The following KRAS variants were observed in gnomAD, a reference collection of about 807,000 sequenced individuals.
KRAS encodes GTPase KRas.
In KRAS, 1 loss-of-function variant was observed where a neutral mutation model predicts 21.0. The ratio of observed to expected loss-of-function variants is 0.05; its 90% confidence interval spans 0.02 to 0.23. KRAS has a LOEUF of 0.23. Among genes scored for constraint, KRAS ranks in the 10% least tolerant of loss-of-function variants. The pLI is 1.00. For synonymous variants in KRAS, 67 were observed against 72.5 expected (o/e 0.92, Z 0.39); for missense variants, 107 against 221.8 (o/e 0.48, Z 3.29).
chr12:25,225,522 T>G (rs76433096), intron 4 of KRAS, 92 bp downstream of exon 4: 4 of 1,244,184 alleles, frequency 3.2e-6, no homozygotes, highest in East Asian at 2.3e-5. Flanking sequence ...TTTCCTAGTA[T>G]AGCATAATTG....
chr12:25,209,647 TA>T lies in KRAS; in HGVS notation c.*147del. On this transcript the variant is annotated 3_prime_UTR_variant, in exon 5 of 5. Coordinates refer to ENST00000311936, the MANE Select transcript of KRAS (RefSeq NM_004985.5). ...GAAAAAAAAACTTCCACTGTCATTT[TA>T]AAATAAGCATTTAAGGTAAAAGCTA... 1 of 1,373,008 alleles carries T rather than the reference TA, an allele frequency of 7.3e-7. No individual in the cohort carries two copies. The highest frequency in any genetic ancestry group is 9.4e-7 in the Non-Finnish European group (1 of 1,061,932). The allele number at this position is 1,373,008 out of a possible 1,614,324, so 85.1% of individuals were successfully genotyped here. A position where few individuals can be genotyped will look rare whatever the true frequency, so the allele number is the denominator to read the frequency against.
At position 25,205,760 on chromosome 12, in the gene KRAS, T is replaced by TATC. The variant is rs1951130249; in HGVS notation, c.*4032_*4034dup. The stretch of plus-strand genomic sequence containing the variant: ...TTCCCCTAAATTCATCTAAATTACC[T>TATC]ATCATTATCCCAAACAGGCACTTCA... On this transcript the variant is annotated 3_prime_UTR_variant, in exon 5 of 5. Transcript: ENST00000311936. The TATC allele has an allele frequency of 4.6e-6, 1 of 219,748 alleles. No homozygotes were observed. Among genetic ancestry groups the TATC allele is most frequent in the East Asian group, 6.7e-5 (1 of 14,856 alleles). The allele number at this position is 219,748 out of a possible 1,614,324, so 13.6% of individuals were successfully genotyped here.
At chr12:25,242,560 T>C (rs1424309895) in intron 2 of KRAS, among the ~76,000 whole-genome samples, 1 of 152,112 alleles carries the variant, frequency 6.6e-6, no homozygotes, top group African/African-American at 2.4e-5. Flanking sequence ...TAACAATATA[T>C]ACTTCACAAT....
At chr12:25,229,770 CTTT>C (rs11287628) in intron 2 of KRAS, among the ~76,000 whole-genome samples, 47 of 128,588 alleles carry the variant, frequency 3.7e-4, no homozygotes, top group South Asian at 3.4e-3. Context: ...ATTAATGTAT[CTTT>C]TTTTTTTTTT....
chr12:25,243,243 A>T (rs1460048824), intron 2 of KRAS, among the ~76,000 whole-genome samples: 2 of 152,158 alleles, frequency 1.3e-5, no homozygotes, highest in Non-Finnish European at 2.9e-5. Context: ...TAACTACACC[A>T]AGAACTTAAT....
At chr12:25,233,224 G>A (rs933049284) in intron 2 of KRAS, among the ~76,000 whole-genome samples, 3 of 152,034 alleles carry the variant, frequency 2.0e-5, no homozygotes, top group African/African-American at 7.2e-5. Flanking sequence ...TCACAATATA[G>A]TCTCCACACA....
At position 25,209,758 on chromosome 12, in the gene KRAS, G is replaced by A. The variant is rs759430622; in HGVS notation, c.*37C>T. On this transcript the variant is annotated 3_prime_UTR_variant, in exon 5 of 5. Coordinates refer to ENST00000311936, the MANE Select transcript of KRAS (RefSeq NM_004985.5). The stretch of plus-strand genomic sequence containing the variant: ...GTGTAATGTACAAAAATTACCACTT[G>A]TACTAGTATGCCTTAAGAAAAAAGT... 1 of 1,600,704 alleles carries A rather than the reference G, an allele frequency of 6.2e-7. No individual in the cohort carries two copies. Among genetic ancestry groups the A allele is most frequent in the Non-Finnish European group, 8.5e-7 (1 of 1,172,338 alleles).
intron 2 of KRAS, among the ~76,000 whole-genome samples, chr12:25,243,647 AAGAC>A (rs1426322619): frequency 6.6e-6 from 1 of 152,194 alleles, no homozygotes; most frequent in Non-Finnish European, 1.5e-5. Flanking sequence ...ATTTTCAGGG[AAGAC>A]AGACAGCATT....
rs531344668 is a variant in KRAS, at chr12:25,208,085, C to T, written c.*1710G>A. On this transcript the variant is annotated 3_prime_UTR_variant, in exon 5 of 5. Transcript: ENST00000311936. ...AAGACTGGCACTGAAGATGGTGTAA[C>T]ATAGGTTAAAAATTTACAGATTGTG... 1.8e-4 allele frequency: 42 copies of T among 232,934 alleles called. No individual in the cohort carries two copies. Among genetic ancestry groups the T allele is most frequent in the Non-Finnish European group, 7.6e-5 (9 of 117,866 alleles). The allele number at this position is 232,934 out of a possible 1,614,324, so 14.4% of individuals were successfully genotyped here.
At chr12:25,229,300 G>A (rs1490296728) in intron 2 of KRAS, among the ~76,000 whole-genome samples, 1 of 152,078 alleles carries the variant, frequency 6.6e-6, no homozygotes, top group Non-Finnish European at 1.5e-5. Context: ...ATAAATAATT[G>A]TCATGCATCT....
At chr12:25,245,219 T>C (rs1951662535) in intron 2 of KRAS, 55 bp downstream of exon 2, 1 of 1,538,442 alleles carries the variant, frequency 6.5e-7, no homozygotes, top group Non-Finnish European at 8.8e-7. Flanking sequence ...GAAACCTTTA[T>C]CTGTATCAAA....
chr12:25,237,632 T>C (rs1050067379), intron 2 of KRAS, among the ~76,000 whole-genome samples: 4 of 152,202 alleles, frequency 2.6e-5, no homozygotes, highest in Admixed American at 1.3e-4. Flanking sequence ...TTATTTGTGC[T>C]ATGGGCTTGG....
chr12:25,221,110 T>C (rs1951318585), intron 4 of KRAS, among the ~76,000 whole-genome samples: 2 of 151,764 alleles, frequency 1.3e-5, no homozygotes, highest in Admixed American at 1.3e-4. Context: ...ACTTTAAGAT[T>C]ATTAAAGTTA....
chr12:25,215,650 G>T, intron 4 of KRAS: 1 of 1,108,982 alleles, frequency 9.0e-7, no homozygotes. Flanking sequence ...TTGAGATTAT[G>T]AGCTTGAGAT....
chr12:25,217,454 C>A (rs971176653), intron 4 of KRAS, among the ~76,000 whole-genome samples: 2 of 151,426 alleles, frequency 1.3e-5, no homozygotes, highest in Non-Finnish European at 2.9e-5. Context: ...TATCTCAAGT[C>A]ATTAACATAT....
intron 1 of KRAS, among the ~76,000 whole-genome samples, chr12:25,245,934 G>GT (rs1951673795): frequency 6.6e-6 from 1 of 152,150 alleles, no homozygotes; most frequent in African/African-American, 2.4e-5. Flanking sequence ...AATATTAACA[G>GT]TAAGAATCAG....
In KRAS at chr12:25,215,487, T is replaced by C; in HGVS notation, c.451-5576A>G. On this transcript the variant is annotated intron_variant, in intron 4 of 4. Coordinates refer to ENST00000311936, the MANE Select transcript of KRAS (RefSeq NM_004985.5). ...AATTTTCACACAGCCAGGAGTCTTT[T>C]CTTCTTTGCTGATTTTTTTCAATCT... The C allele has an allele frequency of 1.9e-6, 3 of 1,611,966 alleles. No individual in the cohort carries two copies. The highest frequency in any genetic ancestry group is 2.5e-6 in the Non-Finnish European group (3 of 1,178,170).
chr12:25,227,133 A>AT (rs1951403873), intron 3 of KRAS, 101 bp downstream of exon 3: 1 of 776,074 alleles, frequency 1.3e-6, no homozygotes, highest in African/African-American at 1.8e-5. Flanking sequence ...TTATTTAAAA[A>AT]TTTTTATTAA....
intron 4 of KRAS, chr12:25,225,286 TTATATATATATATATATATA>T (rs68164603): frequency 9.4e-5 from 1 of 10,624 alleles, no homozygotes; most frequent in Non-Finnish European, 1.7e-4. Context: ...GCCCTGTTCT[TTATATATATATATATATATA>T]TATATATATA....
Sources: gnomAD v4.1 joint callset for allele counts (sites outside exome capture counted in the v4.1 genomes callset) on GRCh38, gnomAD v4.1.1 for gene constraint, MANE v1.5 for transcripts, NCBI Gene and HGNC (gene_info 2026-07-23, HGNC 2026-07-21) for gene names.